ZNF131: variants seen among roughly 807,000 people sequenced by gnomAD.
The protein encoded by ZNF131 is zinc finger and BTB domain containing 35, also known as zinc finger protein 131.
Under a neutral mutation model 60.0 loss-of-function variants are expected in ZNF131, and 7 were observed. That is an observed-to-expected ratio of 0.12 (90% CI 0.07 to 0.22). The LOEUF is 0.22. Among genes scored for constraint, ZNF131 ranks in the 10% least tolerant of loss-of-function variants. The probability of loss-of-function intolerance (pLI) is 1.00; values close to 1 mark genes in which losing one functional copy is unlikely to be tolerated. For missense variants in ZNF131, 493 were observed against 740.9 expected (o/e 0.67, Z 3.88); for synonymous variants, 257 against 253.2 (o/e 1.01, Z -0.14).
chr5:43,132,732 C>T (rs998178106), intron 3 of ZNF131, among the ~76,000 whole-genome samples: 15 of 152,026 alleles, frequency 9.9e-5, no homozygotes, highest in African/African-American at 3.6e-4. Context: ...AGGGTGGTCT[C>T]GAACTCCTGA....
chr5:43,173,017 T>G, intron 5 of ZNF131: 1 of 192,870 alleles, frequency 5.2e-6, no homozygotes, highest in Non-Finnish European at 1.1e-5. Flanking sequence ...AGATTGATCA[T>G]GATTTTTATC....
At chr5:43,122,492 C>A (rs1262179755) in intron 2 of ZNF131, among the ~76,000 whole-genome samples, 2 of 152,114 alleles carry the variant, frequency 1.3e-5, no homozygotes, top group African/African-American at 4.8e-5. Flanking sequence ...GGTTGATAGC[C>A]TCTTGTTGGT....
rs1747984271 is a variant in ZNF131, at chr5:43,149,143, T to C, written c.371+9834T>C. 5.9e-5 allele frequency among the ~76,000 whole-genome samples: 9 copies of C among 152,128 alleles called. No individual in the cohort carries two copies. In the South Asian group the frequency reaches 1.7e-3, roughly 28 times the overall value. Reference sequence around the variant, plus strand: ...AAAATTAGCTGGGCATAATGGCGGATGCCTGTAATCCCAGCTACTCGGGAG... The same window carrying C: ...AAAATTAGCTGGGCATAATGGCGGACGCCTGTAATCCCAGCTACTCGGGAG... On this transcript the variant is annotated intron_variant, in intron 4 of 6. Coordinates refer to ENST00000682664, the MANE Select transcript of ZNF131 (RefSeq NM_001330707.2).
rs1305791657 is a variant in ZNF131, at chr5:43,161,475, A to T, written c.598A>T (p.Ile200Leu). 2.5e-6 allele frequency: 4 copies of T among 1,614,156 alleles called. No individual in the cohort carries two copies. The highest frequency in any genetic ancestry group is 3.4e-6 in the Non-Finnish European group (4 of 1,180,060). ...TTCTGCCAAGCAGTCCGTAAAGTAC[A>T]TACAGAGCACAGGTTCCTCTGATGA... The part of the protein sequence containing the change: ...VASAKQSVKY[I>L]QSTGSSDDSA... The change falls in exon 5 of 7, where the codon ATA becomes TTA. Residue 200 changes from isoleucine (I) to leucine (L), a missense_variant. By Grantham distance (5) the Ile-to-Leu change is conservative. This residue lies in a region of ZNF131 where 138 missense variants were observed against 158.7 expected (regional missense o/e 0.87). Coordinates refer to ENST00000682664, the MANE Select transcript of ZNF131 (RefSeq NM_001330707.2).
chr5:43,123,380 A>G, intron 3 of ZNF131, 70 bp downstream of exon 3: 1 of 1,334,642 alleles, frequency 7.5e-7, no homozygotes, highest in Non-Finnish European at 1.0e-6. Context: ...CTTGTTTTAA[A>G]TACAATACTT....
At chr5:43,159,024 G>A (rs1749309529) in intron 4 of ZNF131, among the ~76,000 whole-genome samples, 1 of 152,150 alleles carries the variant, frequency 6.6e-6, no homozygotes. Flanking sequence ...ATAGCAAGCA[G>A]TATAAATTTC....
rs1483709912 is a variant in ZNF131 at position 43,176,238 on chromosome 5, C to CA, written c.*1108dup. On this transcript the variant is annotated 3_prime_UTR_variant, in exon 7 of 7. Coordinates refer to ENST00000682664, the MANE Select transcript of ZNF131 (RefSeq NM_001330707.2). ...GTATTACTTGGAAAATAAAATATAA[C>CA]AAACCCATAGACCAATATGCTATTT... 1.3e-5 allele frequency: 2 copies of CA among 152,092 alleles called. No individual in the cohort carries two copies. The highest frequency in any genetic ancestry group is 4.8e-5 in the African/African-American group (2 of 41,408). The allele number at this position is 152,092 out of a possible 1,614,324, so 9.4% of individuals were successfully genotyped here.
chr5:43,133,954 T>A (rs2112201775), intron 3 of ZNF131, among the ~76,000 whole-genome samples: 1 of 152,254 alleles, frequency 6.6e-6, no homozygotes, highest in African/African-American at 2.4e-5. Context: ...AATGAAATGT[T>A]AAAAGAAATT....
In ZNF131 at chr5:43,161,387, A is replaced by G. The variant is rs888746885; in HGVS notation, c.510A>G (p.Val170=). 6.2e-7 allele frequency: 1 copy of G among 1,614,268 alleles called. No individual in the cohort carries two copies. The highest frequency in any genetic ancestry group is 2.2e-5 in the East Asian group (1 of 44,890). The part of the protein sequence containing the change: ...SAESEPVEIE[V]EIAEGTIEVE... The stretch of plus-strand genomic sequence containing the variant: ...AATCAGAACCTGTTGAAATTGAGGT[A>G]GAGATTGCCGAAGGCACCATTGAAG... The change falls in exon 5 of 7, where the codon GTA becomes GTG. Residue 170 remains valine (V), a synonymous_variant. Coordinates refer to ENST00000682664, the MANE Select transcript of ZNF131 (RefSeq NM_001330707.2).
At chr5:43,130,509 GA>G (rs1230522406) in intron 3 of ZNF131, among the ~76,000 whole-genome samples, 1 of 152,118 alleles carries the variant, frequency 6.6e-6, no homozygotes, top group Non-Finnish European at 1.5e-5. Flanking sequence ...GTTGTTAAAT[GA>G]GAAAAGTTTT....
At position 43,175,626 on chromosome 5, in the gene ZNF131, C is replaced by A; in HGVS notation, c.*493C>A. The A allele has an allele frequency of 4.2e-6, 2 of 479,706 alleles. No individual in the cohort carries two copies. The highest frequency in any genetic ancestry group is 3.7e-6 in the Non-Finnish European group (1 of 273,058). 29.7% of individuals were successfully genotyped at this position (479,706 alleles called of 1,614,324 possible). Reference sequence around the variant, plus strand: ...CAGTTAAATTTTGGCTTCTGGCTTTCTTTAGTTTGAACAAACGTTCTTGTC... The same window carrying A: ...CAGTTAAATTTTGGCTTCTGGCTTTATTTAGTTTGAACAAACGTTCTTGTC... On this transcript the variant is annotated 3_prime_UTR_variant, in exon 7 of 7. Transcript: ENST00000682664.
Position 43,175,413 on chromosome 5 carries a change from C to T in ZNF131, c.*280C>T, listed in dbSNP as rs1357666370. On this transcript the variant is annotated 3_prime_UTR_variant, in exon 7 of 7. Transcript: ENST00000682664. ...ATTATATAGTTGGGTACGAATGTATCTATTTTCATTGTGGTAAAAGTTCTT... is the reference window on the plus strand; with the variant it reads ...ATTATATAGTTGGGTACGAATGTATTTATTTTCATTGTGGTAAAAGTTCTT... 8.6e-6 allele frequency: 6 copies of T among 695,208 alleles called. No individual in the cohort carries two copies. The East Asian group carries it at 1.3e-4, about 16-fold the overall frequency. 43.1% of individuals were successfully genotyped at this position (695,208 alleles called of 1,614,324 possible).
At chr5:43,143,897 G>GATTTTTTTT (rs1747186183) in intron 4 of ZNF131, among the ~76,000 whole-genome samples, 1 of 68,328 alleles carries the variant, frequency 1.5e-5, no homozygotes, top group Non-Finnish European at 2.8e-5. Flanking sequence ...TATTGTCAGA[G>GATTTTTTTT]CTTTTTTTTT....
chr5:43,150,606 G>A (rs1748180452), intron 4 of ZNF131, among the ~76,000 whole-genome samples: 1 of 152,000 alleles, frequency 6.6e-6, no homozygotes, highest in Admixed American at 6.6e-5. Flanking sequence ...CCTGGCTAAC[G>A]TGGTGGAACC....
chr5:43,143,048 C>CA (rs1554065991), intron 4 of ZNF131, among the ~76,000 whole-genome samples: 3 of 142,552 alleles, frequency 2.1e-5, no homozygotes, highest in Non-Finnish European at 4.6e-5. Flanking sequence ...TTTTTGAAGA[C>CA]AGAGTCTCAC....
At chr5:43,125,980 C>T (rs1374262525) in intron 3 of ZNF131, among the ~76,000 whole-genome samples, 1 of 152,180 alleles carries the variant, frequency 6.6e-6, no homozygotes. Context: ...CACTTTATTT[C>T]TGTCATTTGG....
intron 4 of ZNF131, among the ~76,000 whole-genome samples, chr5:43,146,315 C>T (rs559352993): frequency 2.0e-5 from 3 of 152,268 alleles, no homozygotes; most frequent in Admixed American, 1.3e-4. Context: ...TGGCCGGGCG[C>T]GGTGGCTCAC....
At position 43,135,825 on chromosome 5, in the gene ZNF131, T is replaced by C. The variant is rs534200377; in HGVS notation, c.227-3340T>C. Among the ~76,000 whole-genome samples the C allele has an allele frequency of 3.3e-5, 5 of 152,046 alleles. No homozygotes were observed. The South Asian group carries it at 8.3e-4, about 25-fold the overall frequency. ...AGATTGAGCATCTCAAATTTGAAAA[T>C]CTGAACTGCTTGCCAGGTGCAGTGG... On this transcript the variant is annotated intron_variant, in intron 3 of 6. Coordinates refer to ENST00000682664, the MANE Select transcript of ZNF131 (RefSeq NM_001330707.2).
chr5:43,162,910 G>GAAA (rs200731861), intron 5 of ZNF131, among the ~76,000 whole-genome samples: 1 of 66,754 alleles, frequency 1.5e-5, no homozygotes, highest in African/African-American at 5.8e-5. Context: ...TGTCTCAAGG[G>GAAA]AAAAAAAAAA....
Sources: gnomAD v4.1 joint callset for allele counts (sites outside exome capture counted in the v4.1 genomes callset) on GRCh38, gnomAD v4.1.1 for gene constraint, gnomAD v4.1.1 regional missense constraint, MANE v1.5 for transcripts, NCBI Gene and HGNC (gene_info 2026-07-23, HGNC 2026-07-21) for gene names.